The following PCCB variants were observed in gnomAD, a reference collection of about 807,000 sequenced individuals.
The protein encoded by PCCB is propionyl-CoA carboxylase subunit beta, also known as propionyl-CoA carboxylase beta chain, mitochondrial.
PCCB carries 43 observed loss-of-function variants against 60.7 expected under a neutral mutation model. That is an observed-to-expected ratio of 0.71 (90% CI 0.55 to 0.91). The LOEUF is 0.91. PCCB is among the 40% of genes least tolerant of loss of function. PCCB has a pLI of 0.00. For missense variants in PCCB, 766 were observed against 702.8 expected, an observed-to-expected ratio of 1.09 and a Z score of -1.02; for synonymous variants, 276 against 255.9, an observed-to-expected ratio of 1.08 and a Z score of -0.75.
At chr3:136,308,797 C>T (rs1320680761) in intron 9 of PCCB, among the ~76,000 whole-genome samples, 1 of 151,876 alleles carries the variant, frequency 6.6e-6, no homozygotes, top group African/African-American at 2.4e-5. Context: ...AGCCTCCAGC[C>T]GGGAAATAAA....
intron 5 of PCCB, among the ~76,000 whole-genome samples, chr3:136,279,117 T>G (rs901987523): frequency 6.6e-6 from 1 of 152,240 alleles, no homozygotes; most frequent in Non-Finnish European, 1.5e-5. Flanking sequence ...ACCTAGGGTC[T>G]ATTTTGGTTA....
intron 9 of PCCB, among the ~76,000 whole-genome samples, chr3:136,305,858 A>G (rs1934439757): frequency 8.2e-6 from 1 of 121,882 alleles, no homozygotes; most frequent in Non-Finnish European, 1.8e-5. Flanking sequence ...AGTCAGGGGA[A>G]GGCATTACTT....
chr3:136,318,989 A>G (rs530732788), intron 10 of PCCB, among the ~76,000 whole-genome samples: 54 of 152,368 alleles, frequency 3.5e-4, no homozygotes, highest in African/African-American at 1.3e-3. Flanking sequence ...GGGAAACACC[A>G]TACTGTTTTC....
chr3:136,321,453 T>C (rs1576356090), intron 10 of PCCB, among the ~76,000 whole-genome samples: 1 of 152,152 alleles, frequency 6.6e-6, no homozygotes, highest in African/African-American at 2.4e-5. Context: ...TGGGAAGGCG[T>C]CAGGAAACTT....
At chr3:136,292,579 T>C (rs1933744217) in intron 6 of PCCB, among the ~76,000 whole-genome samples, 2 of 152,184 alleles carry the variant, frequency 1.3e-5, no homozygotes, top group South Asian at 4.1e-4. Flanking sequence ...CCTACTATAC[T>C]GATATGGAAT....
chr3:136,277,246 G>A (rs1198625802), intron 5 of PCCB, among the ~76,000 whole-genome samples: 3 of 152,326 alleles, frequency 2.0e-5, no homozygotes, highest in African/African-American at 4.8e-5. Flanking sequence ...TGGTTAGCCA[G>A]GGTTTTGCAG....
At chr3:136,255,630 CT>C in intron 1 of PCCB, 1 of 566,266 alleles carries the variant, frequency 1.8e-6, no homozygotes, top group East Asian at 3.1e-5. Context: ...CCTTATTCAT[CT>C]TCCACAGTTG....
At chr3:136,292,602 A>G (rs1933745728) in intron 6 of PCCB, among the ~76,000 whole-genome samples, 1 of 152,220 alleles carries the variant, frequency 6.6e-6, no homozygotes, top group Non-Finnish European at 1.5e-5. Context: ...AATGATCTTC[A>G]AGCTAGAAAA....
In PCCB at chr3:136,329,886, C is replaced by T. The variant is rs1385191395; in HGVS notation, c.1499-19C>T. ...TCTCGGGATGCAGATGATCCACTCCCTTTTCTGTGCTTCACCAGGGTTTGT... is the reference window on the plus strand; with the variant it reads ...TCTCGGGATGCAGATGATCCACTCCTTTTTCTGTGCTTCACCAGGGTTTGT... On this transcript the variant is annotated intron_variant, in intron 14 of 14. Transcript: ENST00000251654. 8.1e-6 allele frequency: 13 copies of T among 1,613,908 alleles called. No individual in the cohort carries two copies. The highest frequency in any genetic ancestry group is 1.1e-5 in the Non-Finnish European group (13 of 1,179,924).
intron 6 of PCCB, among the ~76,000 whole-genome samples, chr3:136,284,617 G>A (rs1039042766): frequency 2.0e-5 from 3 of 152,102 alleles, no homozygotes; most frequent in Non-Finnish European, 4.4e-5. Flanking sequence ...CATCCAACTT[G>A]AGGAGAGGAG....
At chr3:136,319,320 TAC>T (rs567213457) in intron 10 of PCCB, among the ~76,000 whole-genome samples, 298 of 152,276 alleles carry the variant, frequency 2.0e-3, no homozygotes, top group Admixed American at 3.1e-3. Flanking sequence ...ACATTTGACT[TAC>T]AAGTATTTTC....
At chr3:136,270,794 C>T (rs953987742) in intron 5 of PCCB, among the ~76,000 whole-genome samples, 2 of 152,202 alleles carry the variant, frequency 1.3e-5, no homozygotes, top group Non-Finnish European at 2.9e-5. Flanking sequence ...GCATGAGCCC[C>T]TGCGCCCGGC....
At chr3:136,273,540 A>G (rs1035527258) in intron 5 of PCCB, among the ~76,000 whole-genome samples, 6 of 86,444 alleles carry the variant, frequency 6.9e-5, no homozygotes, top group Non-Finnish European at 1.3e-4. Flanking sequence ...TTTTTGTTGG[A>G]TTGTTCCTTT....
intron 6 of PCCB, among the ~76,000 whole-genome samples, chr3:136,292,597 T>A (rs1352112603): frequency 6.6e-6 from 1 of 152,242 alleles, no homozygotes; most frequent in East Asian, 1.9e-4. Context: ...AATAGAATGA[T>A]CTTCAAGCTA....
chr3:136,265,919 G>A (rs1305092515), intron 5 of PCCB, among the ~76,000 whole-genome samples: 1 of 150,556 alleles, frequency 6.6e-6, no homozygotes. Context: ...TCCACCTCCT[G>A]GGTTCACGCC....
chr3:136,322,815 GA>G (rs1935153885), intron 10 of PCCB, among the ~76,000 whole-genome samples: 1 of 152,128 alleles, frequency 6.6e-6, no homozygotes, highest in Non-Finnish European at 1.5e-5. Context: ...TTGTTTATCT[GA>G]AAATGTCTTA....
intron 9 of PCCB, among the ~76,000 whole-genome samples, chr3:136,307,510 A>C (rs1373318426): frequency 6.6e-6 from 1 of 152,206 alleles, no homozygotes; most frequent in Non-Finnish European, 1.5e-5. Flanking sequence ...TAAGGAAATG[A>C]ACTAAAGGCA....
chr3:136,258,310 A>G (rs1941730459), intron 3 of PCCB, among the ~76,000 whole-genome samples: 1 of 152,198 alleles, frequency 6.6e-6, no homozygotes, highest in Non-Finnish European at 1.5e-5. Flanking sequence ...GAAGCGAATC[A>G]TTTTATAGGC....
chr3:136,317,792 A>G (rs930193522), intron 10 of PCCB, among the ~76,000 whole-genome samples: 6 of 152,152 alleles, frequency 3.9e-5, no homozygotes, highest in African/African-American at 1.4e-4. Context: ...AGTTAATGGC[A>G]TCTTACCATG....
Sources: gnomAD v4.1 joint callset for allele counts (sites outside exome capture counted in the v4.1 genomes callset) on GRCh38, gnomAD v4.1.1 for gene constraint, MANE v1.5 for transcripts, NCBI Gene and HGNC (gene_info 2026-07-23, HGNC 2026-07-21) for gene names.